SULF1: variants seen among roughly 807,000 people sequenced by gnomAD.
SULF1 encodes the protein extracellular sulfatase Sulf-1.
Under a neutral mutation model 110.5 loss-of-function variants are expected in SULF1, and 46 were observed. The ratio of observed to expected loss-of-function variants is 0.42; its 90% CI spans 0.33 to 0.53. The LOEUF (loss-of-function observed/expected upper bound fraction) is 0.53. Ranked by LOEUF, SULF1 falls within the 20% of genes least tolerant of loss-of-function variation. SULF1 has a pLI of 0.12. For missense variants in SULF1, 941 were observed against 1,094.2 expected (o/e 0.86, Z 1.98); for synonymous variants, 371 against 387.1 (o/e 0.96, Z 0.49).
At chr8:69,611,386 T>TA (rs1173154046) in intron 13 of SULF1, among the ~76,000 whole-genome samples, 1 of 152,206 alleles carries the variant, frequency 6.6e-6, no homozygotes, top group Non-Finnish European at 1.5e-5. Context: ...CTATAACAGG[T>TA]AACATTTCTC....
chr8:69,590,573 G>A (rs1016638060), intron 8 of SULF1, among the ~76,000 whole-genome samples: 3 of 152,200 alleles, frequency 2.0e-5, no homozygotes, highest in Non-Finnish European at 4.4e-5. Flanking sequence ...CCAGAAAGAA[G>A]GAGGCCAGAG....
At chr8:69,623,790 C>A in intron 14 of SULF1, 152 bp from the exon 15 acceptor site, 1 of 842,614 alleles carries the variant, frequency 1.2e-6, no homozygotes, top group Non-Finnish European at 1.8e-6. Context: ...ACAACCTCTG[C>A]TACCGTGAAT....
chr8:69,599,607 A>G (rs1315368959), intron 8 of SULF1, among the ~76,000 whole-genome samples: 1 of 152,262 alleles, frequency 6.6e-6, no homozygotes, highest in Non-Finnish European at 1.5e-5. Flanking sequence ...TACCCAACAC[A>G]TATTAAACTC....
rs1368638415 is a variant in SULF1, at chr8:69,564,072, C to G, written c.97C>G (p.Arg33Gly). ...TGTCAGATCCCCGAGGTTCAGAGGA[C>G]GGATACAGCAGGAACGAAAAAACAT... ...STVRSPRFRG[R>G]IQQERKNIRP... Residue 33 changes from arginine to glycine, a missense_variant, in exon 5 of 23, where the codon CGG (arginine) becomes GGG (glycine). Arg to Gly is a moderately radical substitution (Grantham distance 125). This residue lies in a region of SULF1 where 822 missense variants were observed against 934.3 expected (regional missense o/e 0.88). Transcript: ENST00000402687. The G allele has an allele frequency of 6.2e-7, 1 of 1,614,144 alleles. No individual in the cohort carries two copies. Among genetic ancestry groups the G allele is most frequent in the Non-Finnish European group, 8.5e-7 (1 of 1,180,026 alleles).
intron 9 of SULF1, 41 bp from the exon 10 acceptor site, chr8:69,601,613 C>A: frequency 6.5e-7 from 1 of 1,543,538 alleles, no homozygotes; most frequent in Admixed American, 1.9e-5. Context: ...CATCTTATAC[C>A]AGCACAATTG....
At chr8:69,655,307 C>T (rs1021451926) in intron 22 of SULF1, among the ~76,000 whole-genome samples, 1 of 152,176 alleles carries the variant, frequency 6.6e-6, no homozygotes, top group Non-Finnish European at 1.5e-5. Flanking sequence ...GGCTGCAGCA[C>T]CACCCCCCAT....
At chr8:69,486,523 T>C (rs1024889369) in intron 1 of SULF1, among the ~76,000 whole-genome samples, 1 of 152,204 alleles carries the variant, frequency 6.6e-6, no homozygotes, top group Non-Finnish European at 1.5e-5. Flanking sequence ...CCTACGCTGG[T>C]AAAGTGCTTC....
chr8:69,654,937 TA>T, intron 22 of SULF1, among the ~76,000 whole-genome samples: 1 of 152,354 alleles, frequency 6.6e-6, no homozygotes, highest in South Asian at 2.1e-4. Flanking sequence ...TTATGGGCTA[TA>T]AAATGTGTCC....
At chr8:69,510,496 C>T (rs553807008) in intron 3 of SULF1, among the ~76,000 whole-genome samples, 6 of 152,278 alleles carry the variant, frequency 3.9e-5, no homozygotes, top group South Asian at 4.1e-4. Flanking sequence ...CCATACAATG[C>T]TTAACAATTA....
At chr8:69,474,668 G>A (rs566868589) in intron 1 of SULF1, among the ~76,000 whole-genome samples, 4 of 152,248 alleles carry the variant, frequency 2.6e-5, no homozygotes, top group African/African-American at 9.6e-5. Flanking sequence ...ATGCCTAGAG[G>A]CTTTACATGT....
intron 22 of SULF1, among the ~76,000 whole-genome samples, chr8:69,643,714 G>C (rs139330645): frequency 3.6e-4 from 54 of 152,096 alleles, no homozygotes; most frequent in Non-Finnish European, 6.5e-4. Flanking sequence ...GCTGTTCCCT[G>C]TGTGTGAAGC....
chr8:69,617,188 T>C (rs890567098), intron 13 of SULF1, among the ~76,000 whole-genome samples: 41 of 151,594 alleles, frequency 2.7e-4, no homozygotes, highest in Middle Eastern at 3.4e-3. Context: ...AATGGAGTTG[T>C]CTGTCAGTTT....
chr8:69,571,243 G>A (rs538203945), intron 5 of SULF1, among the ~76,000 whole-genome samples: 1 of 152,182 alleles, frequency 6.6e-6, no homozygotes, highest in East Asian at 1.9e-4. Context: ...TGGGGTTGAG[G>A]TGAGCACATA....
chr8:69,605,993 T>C (rs1384924055), intron 13 of SULF1, among the ~76,000 whole-genome samples: 1 of 152,158 alleles, frequency 6.6e-6, no homozygotes, highest in Non-Finnish European at 1.5e-5. Context: ...AATCTGTGAG[T>C]CTTTTTTAAC....
intron 3 of SULF1, among the ~76,000 whole-genome samples, chr8:69,539,449 A>G (rs778272464): frequency 6.6e-5 from 10 of 152,208 alleles, no homozygotes; most frequent in South Asian, 2.1e-4. Flanking sequence ...GCGCTTGGCA[A>G]TTGCTAACTA....
At chr8:69,617,800 G>A (rs13279733) in intron 13 of SULF1, among the ~76,000 whole-genome samples, 71,620 of 151,744 alleles carry the variant, frequency 0.47, 17,920 homozygotes, top group East Asian at 0.65. Context: ...CTTAAACAAC[G>A]CACATAGTCC....
At chr8:69,626,568 G>A (rs555912706) in intron 15 of SULF1, among the ~76,000 whole-genome samples, 1 of 152,248 alleles carries the variant, frequency 6.6e-6, no homozygotes, top group Admixed American at 6.5e-5. Context: ...GGCTGCACAG[G>A]AGCCCATGGA....
chr8:69,551,967 CT>C (rs539443658), intron 3 of SULF1, among the ~76,000 whole-genome samples: 204 of 152,320 alleles, frequency 1.3e-3, no homozygotes, highest in Non-Finnish European at 2.2e-3. Flanking sequence ...TGGTGCACAC[CT>C]GTAATCCCAG....
intron 5 of SULF1, among the ~76,000 whole-genome samples, chr8:69,566,304 C>T (rs1815879727): frequency 6.6e-6 from 1 of 152,176 alleles, no homozygotes; most frequent in African/African-American, 2.4e-5. Context: ...CAATATACAG[C>T]ACTGTCTTTA....
Sources: allele counts gnomAD v4.1 joint callset (sites outside exome capture counted in the v4.1 genomes callset), GRCh38; gene constraint gnomAD v4.1.1; regional missense constraint gnomAD v4.1.1; transcripts MANE v1.5; gene names NCBI Gene and HGNC (gene_info 2026-07-23, HGNC 2026-07-21).